TTC39B: variants seen among roughly 807,000 people sequenced by gnomAD.
TTC39B encodes tetratricopeptide repeat domain 39B.
TTC39B carries 92 observed loss-of-function variants against 96.6 expected under a neutral mutation model. That is an observed-to-expected ratio of 0.95 (90% CI 0.80 to 1.13). TTC39B has a LOEUF of 1.13. TTC39B is among the 50% of genes most tolerant of loss of function. TTC39B has a pLI of 0.00. For missense variants in TTC39B, 955 were observed against 809.3 expected, an observed-to-expected ratio of 1.18 and a Z score of -2.18; for synonymous variants, 367 against 299.4, an observed-to-expected ratio of 1.23 and a Z score of -2.33.
intron 4 of TTC39B, among the ~76,000 whole-genome samples, chr9:15,211,618 G>A (rs980495714): frequency 6.6e-6 from 1 of 152,250 alleles, no homozygotes; most frequent in Non-Finnish European, 1.5e-5. Flanking sequence ...CAGGTTGAAG[G>A]GGACAATATG....
At chr9:15,227,435 G>A (rs1821186118) in intron 2 of TTC39B, among the ~76,000 whole-genome samples, 2 of 151,476 alleles carry the variant, frequency 1.3e-5, no homozygotes, top group Non-Finnish European at 2.9e-5. Context: ...TTTTTATCTT[G>A]GATATATCAA....
At chr9:15,187,365 G>A (rs2118721960) in intron 14 of TTC39B, among the ~76,000 whole-genome samples, 1 of 152,260 alleles carries the variant, frequency 6.6e-6, no homozygotes, top group African/African-American at 2.4e-5. Context: ...GGGCATCAGG[G>A]CACTGGAAAG....
At chr9:15,232,604 T>C (rs1335270306) in intron 2 of TTC39B, among the ~76,000 whole-genome samples, 1 of 151,542 alleles carries the variant, frequency 6.6e-6, no homozygotes, top group African/African-American at 2.4e-5. Flanking sequence ...CAAGAAAAGG[T>C]TGAAAACTCA....
chr9:15,187,361 C>T (rs566421054), intron 14 of TTC39B, among the ~76,000 whole-genome samples: 3 of 152,312 alleles, frequency 2.0e-5, no homozygotes, highest in African/African-American at 7.2e-5. Flanking sequence ...GCCTGGGCAT[C>T]AGGGCACTGG....
intron 2 of TTC39B, among the ~76,000 whole-genome samples, chr9:15,236,315 T>G (rs958280768): frequency 6.6e-6 from 1 of 152,164 alleles, no homozygotes; most frequent in African/African-American, 2.4e-5. Context: ...GCACCCAGAT[T>G]TATCAAACAA....
chr9:15,285,474 T>C (rs76604099), intron 1 of TTC39B, among the ~76,000 whole-genome samples: 1,872 of 152,294 alleles, frequency 0.012, 46 homozygotes, highest in African/African-American at 0.042. Flanking sequence ...TTACTACACA[T>C]TGTATGCCTG....
At position 15,177,006 on chromosome 9, in the gene TTC39B, GAC is replaced by G. The variant is rs1312312786; in HGVS notation, c.1841+689_1841+690del. On this transcript the variant is annotated intron_variant, in intron 18 of 19. Coordinates refer to ENST00000512701, the Ensembl canonical transcript of TTC39B. ...AAGAACTGCCCTTTGCCAAAAGAGA[GAC>G]AGAGTGCTCATCACATGCCTCTCTT... Among the ~76,000 whole-genome samples, 6 of 152,152 alleles carry G rather than the reference GAC, an allele frequency of 3.9e-5. No individual in the cohort carries two copies. In the South Asian group the frequency reaches 1.0e-3, roughly 26 times the overall value.
intron 3 of TTC39B, among the ~76,000 whole-genome samples, chr9:15,215,365 C>T (rs979407762): frequency 1.4e-4 from 22 of 152,184 alleles, no homozygotes; most frequent in African/African-American, 5.3e-4. Flanking sequence ...AGAGACCACC[C>T]TGACCAACAT....
At position 15,306,187 on chromosome 9, in the gene TTC39B, G is replaced by C. The variant is rs143903234; in HGVS notation, c.240+897C>G. The stretch of plus-strand genomic sequence containing the variant: ...CAATTCAAGTCAGGTAAGATGGCAG[G>C]AACAGCAGCTGTGGGTGCTGGCTGC... On this transcript the variant is annotated intron_variant, in intron 1 of 19. Transcript: ENST00000512701. The surrounding 1 kb of genome is among the most constrained non-coding windows in gnomAD (Gnocchi z 5.1). Among the ~76,000 whole-genome samples, 368 of 152,312 alleles carry C rather than the reference G, an allele frequency of 2.4e-3. 1 individual carries two copies. Among genetic ancestry groups the C allele is most frequent in the African/African-American group, 8.3e-3 (343 of 41,574 alleles).
chr9:15,200,868 G>A (rs1050172185), intron 7 of TTC39B, among the ~76,000 whole-genome samples: 13 of 152,236 alleles, frequency 8.5e-5, no homozygotes, highest in African/African-American at 2.9e-4. Flanking sequence ...GCATGGTGGC[G>A]GGTGCCTGTA....
chr9:15,194,332 T>C (rs866216996), intron 8 of TTC39B, among the ~76,000 whole-genome samples: 1 of 152,220 alleles, frequency 6.6e-6, no homozygotes, highest in African/African-American at 2.4e-5. Context: ...ATGATTTTTC[T>C]ATAAAATGAA....
At chr9:15,166,035 A>C (rs922985040) in exon 20 of TTC39B, 2 of 152,208 alleles carry the variant, frequency 1.3e-5, no homozygotes, top group African/African-American at 2.4e-5. Flanking sequence ...AATTAAAACT[A>C]ATTTACTAGA....
intron 13 of TTC39B, among the ~76,000 whole-genome samples, chr9:15,189,113 A>G (rs1261161869): frequency 6.6e-6 from 1 of 152,220 alleles, no homozygotes; most frequent in African/African-American, 2.4e-5. Flanking sequence ...TTGTGAATGT[A>G]TATACATAAA....
At chr9:15,185,363 G>T (rs1329208960) in exon 16 of TTC39B, 1 of 1,613,886 alleles carries the variant, frequency 6.2e-7, no homozygotes, top group South Asian at 1.1e-5. Context: ...TTCTCAGTAG[G>T]GATAGATTTC....
intron 3 of TTC39B, among the ~76,000 whole-genome samples, chr9:15,217,226 C>G (rs1395287185): frequency 2.6e-5 from 4 of 152,184 alleles, no homozygotes; most frequent in African/African-American, 9.7e-5. Context: ...TTTTTCTCAA[C>G]ATCCGTTCCC....
rs139285989 is a variant in TTC39B, at chr9:15,203,826, C to T, written c.756G>A (p.Val252=). The T allele has an allele frequency of 3.7e-6, 6 of 1,612,272 alleles. No individual in the cohort carries two copies. The African/African-American group carries it at 6.7e-5, about 18-fold the overall frequency. The stretch of plus-strand genomic sequence containing the variant: ...TTCCAAGCCAAATATTCATTACCTG[C>T]ACAAACGTGAGTGCAGCTTTCTGTA... The change falls in exon 7 of 20, where the codon GTG becomes GTA. Residue 252 remains valine (V), a synonymous_variant. Coordinates refer to ENST00000512701, the Ensembl canonical transcript of TTC39B.
At chr9:15,268,267 T>C (rs1484849393) in intron 1 of TTC39B, among the ~76,000 whole-genome samples, 1 of 152,178 alleles carries the variant, frequency 6.6e-6, no homozygotes, top group Non-Finnish European at 1.5e-5. Flanking sequence ...TTCCCAACTA[T>C]AGAGTAAAAT....
intron 9 of TTC39B, 61 bp from the exon 10 acceptor site, chr9:15,191,316 A>G (rs973506989): frequency 8.5e-7 from 1 of 1,182,020 alleles, no homozygotes; most frequent in Admixed American, 2.3e-5. Flanking sequence ...AAACAAATCT[A>G]AACTAACAAC....
intron 2 of TTC39B, among the ~76,000 whole-genome samples, chr9:15,254,658 C>T (rs1586964006): frequency 6.6e-6 from 1 of 152,042 alleles, no homozygotes. Flanking sequence ...GTTTAAAATA[C>T]ACTTTTTAAA....
Sources: allele counts gnomAD v4.1 joint callset (sites outside exome capture counted in the v4.1 genomes callset), GRCh38; gene constraint gnomAD v4.1.1; non-coding constraint Gnocchi (gnomAD v3.1); transcripts MANE v1.5; gene names NCBI Gene and HGNC (gene_info 2026-07-23, HGNC 2026-07-21).